GRM8: variants seen among roughly 807,000 people sequenced by gnomAD.
The protein encoded by GRM8 is glutamate metabotropic receptor 8.
In GRM8, 47 loss-of-function variants were observed where a neutral mutation model predicts 87.2. The observed-to-expected ratio is 0.54, with a 90% confidence interval of 0.43 to 0.69. The LOEUF (loss-of-function observed/expected upper bound fraction) is 0.69, where lower values mean the gene tolerates loss of function less well. Ranked by LOEUF, GRM8 falls within the 30% of genes least tolerant of loss-of-function variation. The pLI is 0.00. For missense variants in GRM8, 1,019 were observed against 1,139.2 expected (o/e 0.89, Z 1.52); for synonymous variants, 396 against 404.5 (o/e 0.98, Z 0.25).
At chr7:126,935,368 C>G (rs1479780108) in intron 3 of GRM8, among the ~76,000 whole-genome samples, 1 of 152,130 alleles carries the variant, frequency 6.6e-6, no homozygotes, top group Non-Finnish European at 1.5e-5. Flanking sequence ...AACTCCTTAG[C>G]TCAGAACTAC....
At chr7:126,779,509 CA>C in intron 6 of GRM8, among the ~76,000 whole-genome samples, 1 of 152,006 alleles carries the variant, frequency 6.6e-6, no homozygotes, top group South Asian at 2.1e-4. Context: ...TAAACCAGTT[CA>C]AAAAGTTAGA....
At chr7:127,183,530 A>G (rs1470505300) in intron 2 of GRM8, among the ~76,000 whole-genome samples, 1 of 151,788 alleles carries the variant, frequency 6.6e-6, no homozygotes, top group Admixed American at 6.6e-5. Context: ...TGTGGTATTC[A>G]GTAAAGTAGA....
intron 7 of GRM8, among the ~76,000 whole-genome samples, chr7:126,644,978 C>T (rs1029355341): frequency 2.0e-5 from 3 of 152,214 alleles, no homozygotes; most frequent in South Asian, 2.1e-4. Context: ...ACAGTGTTGA[C>T]GCCATCTTAC....
chr7:126,516,621 A>G (rs1812208003), intron 9 of GRM8, among the ~76,000 whole-genome samples: 1 of 152,144 alleles, frequency 6.6e-6, no homozygotes, highest in South Asian at 2.1e-4. Flanking sequence ...GCAGCAAGAA[A>G]GAGAGCCCTT....
At chr7:126,451,141 C>A (rs979024086) in intron 9 of GRM8, among the ~76,000 whole-genome samples, 1 of 151,796 alleles carries the variant, frequency 6.6e-6, no homozygotes, top group Admixed American at 6.6e-5. Context: ...AAATTCCGGG[C>A]TTTTCTTAGG....
At chr7:126,527,089 T>G (rs2150822711) in intron 9 of GRM8, among the ~76,000 whole-genome samples, 1 of 152,234 alleles carries the variant, frequency 6.6e-6, no homozygotes, top group East Asian at 1.9e-4. Context: ...CTGGGCGCGG[T>G]GGCTCACGCC....
At chr7:126,552,813 G>C (rs1027307639) in intron 8 of GRM8, among the ~76,000 whole-genome samples, 3 of 151,924 alleles carry the variant, frequency 2.0e-5, no homozygotes, top group Non-Finnish European at 4.4e-5. Flanking sequence ...TAACTTGAAA[G>C]CCATATTGAC....
At chr7:126,566,439 C>T (rs1794222392) in intron 8 of GRM8, among the ~76,000 whole-genome samples, 1 of 152,060 alleles carries the variant, frequency 6.6e-6, no homozygotes, top group South Asian at 2.1e-4. Context: ...ACATTATTTC[C>T]TGATGATTTG....
At chr7:126,979,463 C>T (rs1811317859) in intron 3 of GRM8, among the ~76,000 whole-genome samples, 1 of 152,120 alleles carries the variant, frequency 6.6e-6, no homozygotes, top group Non-Finnish European at 1.5e-5. Context: ...AAAGACGTTG[C>T]TTTCCTCAAC....
chr7:126,495,720 G>C (rs1168925930), intron 9 of GRM8, among the ~76,000 whole-genome samples: 1 of 151,942 alleles, frequency 6.6e-6, no homozygotes, highest in Admixed American at 6.6e-5. Context: ...TACTGAGAAC[G>C]AATGTGTAAA....
intron 7 of GRM8, among the ~76,000 whole-genome samples, chr7:126,644,196 A>G (rs1004052071): frequency 6.6e-6 from 1 of 152,246 alleles, no homozygotes; most frequent in African/African-American, 2.4e-5. Context: ...AATGAAGTTT[A>G]ATATTAAAAT....
At chr7:127,058,174 A>G (rs372902627) in intron 3 of GRM8, 8 of 518,564 alleles carry the variant, frequency 1.5e-5, no homozygotes, top group Non-Finnish European at 2.4e-5. Context: ...ACACAATGTC[A>G]TGGCATAATA....
chr7:126,756,951 C>G (rs1310172882), intron 7 of GRM8, among the ~76,000 whole-genome samples: 1 of 152,010 alleles, frequency 6.6e-6, no homozygotes, highest in African/African-American at 2.4e-5. Flanking sequence ...GTAATATTTT[C>G]TTTACCAGTT....
rs368030429 is a variant in GRM8 at position 126,641,695 on chromosome 7, T to G, written c.1358-32197A>C. Among the ~76,000 whole-genome samples the G allele has an allele frequency of 5.5e-4, 84 of 152,212 alleles. No individual in the cohort carries two copies. The East Asian group carries it at 0.011, about 20-fold the overall frequency. ...AATAAAGCTTAGAAAAATTCATTAA[T>G]TTAGTGAAAAAAATTACCCATGGCC... On this transcript the variant is annotated intron_variant, in intron 7 of 10. Coordinates refer to ENST00000339582, the MANE Select transcript of GRM8 (RefSeq NM_000845.3).
intron 3 of GRM8, among the ~76,000 whole-genome samples, chr7:126,920,156 C>T (rs1412095298): frequency 3.9e-5 from 6 of 152,048 alleles, no homozygotes; most frequent in Non-Finnish European, 5.9e-5. Flanking sequence ...CTCCATTCAC[C>T]GTGTGAGAAC....
rs1198292954 is a variant in GRM8, at chr7:126,446,146, C to T, written c.2657G>A (p.Cys886Tyr). 2 of 1,612,756 alleles carry T rather than the reference C, an allele frequency of 1.2e-6. No individual in the cohort carries two copies. Among genetic ancestry groups the T allele is most frequent in the Admixed American group, 1.7e-5 (1 of 59,864 alleles). Residue 886 changes from cysteine to tyrosine, a missense_variant, in exon 10 of 11, where the codon TGT becomes TAT. Cys to Tyr is a radical substitution (Grantham distance 194, BLOSUM62 -2). Transcript: ENST00000339582. Reference sequence around the variant, plus strand: ...CTTACTGTTGGTTTCAAGACTCTCACAGAGTTCACTTTTCACCTCGCCATT... The same window carrying T: ...CTTACTGTTGGTTTCAAGACTCTCATAGAGTTCACTTTTCACCTCGCCATT... ...RPNGEVKSEL[C>Y]ESLETNTSST...
chr7:126,748,602 GTTTTTTT>G (rs35336284), intron 7 of GRM8, among the ~76,000 whole-genome samples: 1 of 118,778 alleles, frequency 8.4e-6, no homozygotes, highest in Non-Finnish European at 1.7e-5. Flanking sequence ...AGCAGGTCGG[GTTTTTTT>G]TTTTTTTTTT....
In GRM8 at chr7:126,783,752, A is replaced by G. The variant is rs1171910681; in HGVS notation, c.1157-13687T>C. Among the ~76,000 whole-genome samples, 3 of 152,346 alleles carry G rather than the reference A, an allele frequency of 2.0e-5. No individual in the cohort carries two copies. In the East Asian group the frequency reaches 5.8e-4, roughly 29 times the overall value. ...CACATGGACTGGCAGGATAATTTCC[A>G]TAATAGAGGAAATAGATCATCTGAG... On this transcript the variant is annotated intron_variant, in intron 6 of 10. Coordinates refer to ENST00000339582, the MANE Select transcript of GRM8 (RefSeq NM_000845.3).
intron 7 of GRM8, among the ~76,000 whole-genome samples, chr7:126,719,876 G>C (rs1282124743): frequency 6.8e-6 from 1 of 146,924 alleles, no homozygotes; most frequent in African/African-American, 2.5e-5. Flanking sequence ...GAAATACAAG[G>C]TATTTACTGA....
Sources: allele counts gnomAD v4.1 joint callset (sites outside exome capture counted in the v4.1 genomes callset), GRCh38; gene constraint gnomAD v4.1.1; transcripts MANE v1.5; gene names NCBI Gene and HGNC (gene_info 2026-07-23, HGNC 2026-07-21).